The following ATP10A variants were observed in gnomAD, a reference collection of about 807,000 sequenced individuals.
ATP10A encodes phospholipid-transporting ATPase VA.
In ATP10A, 111 loss-of-function variants were observed where a neutral mutation model predicts 147.8. The observed-to-expected ratio is 0.75, with a 90% CI of 0.64 to 0.88. The LOEUF is 0.88. Ranked by LOEUF, ATP10A falls within the 40% of genes least tolerant of loss-of-function variation. The pLI is 0.00. For missense variants in ATP10A, 1,927 were observed against 1,959.0 expected, an observed-to-expected ratio of 0.98 and a Z score of 0.31; for synonymous variants, 875 against 841.6, an observed-to-expected ratio of 1.04 and a Z score of -0.69.
chr15:25,731,937 C>G, intron 3 of ATP10A, among the ~76,000 whole-genome samples: 1 of 151,878 alleles, frequency 6.6e-6, no homozygotes, highest in African/African-American at 2.4e-5. Context: ...CTCACTGCAG[C>G]CTGGACCTCC....
intron 3 of ATP10A, among the ~76,000 whole-genome samples, chr15:25,730,787 T>C (rs1431883689): frequency 6.6e-6 from 1 of 152,156 alleles, no homozygotes. Context: ...TAAAAATAAA[T>C]AAATATTTCT....
chr15:25,843,724 C>T (rs758483365), intron 1 of ATP10A, among the ~76,000 whole-genome samples: 14 of 152,158 alleles, frequency 9.2e-5, no homozygotes, highest in Non-Finnish European at 1.5e-4. Flanking sequence ...GAAAGACAGA[C>T]GCACGGCTGC....
At chr15:25,771,440 G>C (rs188005856) in intron 2 of ATP10A, among the ~76,000 whole-genome samples, 2 of 152,088 alleles carry the variant, frequency 1.3e-5, no homozygotes, top group African/African-American at 4.8e-5. Context: ...TTAGGTCTGC[G>C]ATCTAAGTCT....
chr15:25,773,713 G>A (rs552893430), intron 2 of ATP10A, among the ~76,000 whole-genome samples: 17 of 152,186 alleles, frequency 1.1e-4, no homozygotes, highest in African/African-American at 4.1e-4. Flanking sequence ...ACTTCATTTT[G>A]CTTTCTTCTT....
At chr15:25,847,127 T>TA (rs1374031318) in intron 1 of ATP10A, among the ~76,000 whole-genome samples, 2 of 152,250 alleles carry the variant, frequency 1.3e-5, no homozygotes, top group East Asian at 3.8e-4. Flanking sequence ...TATCTGGTGT[T>TA]AGACACTTTC....
intron 2 of ATP10A, among the ~76,000 whole-genome samples, chr15:25,747,143 C>T (rs1887885761): frequency 6.6e-6 from 1 of 151,992 alleles, no homozygotes; most frequent in South Asian, 2.1e-4. Context: ...AAAACATTAG[C>T]TGGGCATGGT....
intron 2 of ATP10A, among the ~76,000 whole-genome samples, chr15:25,752,825 T>A (rs762315289): frequency 3.3e-5 from 5 of 152,170 alleles, no homozygotes; most frequent in Non-Finnish European, 5.9e-5. Flanking sequence ...TTAAGTCCTT[T>A]AAAATTTTTT....
intron 1 of ATP10A, among the ~76,000 whole-genome samples, chr15:25,846,038 T>C (rs1387446759): frequency 1.3e-5 from 2 of 151,888 alleles, no homozygotes; most frequent in South Asian, 2.1e-4. Flanking sequence ...CGATGCTGAG[T>C]GAAATAAGCC....
chr15:25,808,659 C>T (rs1891300624), intron 1 of ATP10A, among the ~76,000 whole-genome samples: 1 of 152,214 alleles, frequency 6.6e-6, no homozygotes, highest in South Asian at 2.1e-4. Flanking sequence ...TCTGGGATTA[C>T]AAGCGTGAGC....
At chr15:25,729,607 C>T (rs764381483) in intron 3 of ATP10A, among the ~76,000 whole-genome samples, 2 of 152,136 alleles carry the variant, frequency 1.3e-5, no homozygotes, top group Non-Finnish European at 2.9e-5. Flanking sequence ...GGGAACCAGC[C>T]GACCCTGCAG....
intron 2 of ATP10A, among the ~76,000 whole-genome samples, chr15:25,765,715 G>A (rs569343096): frequency 3.3e-5 from 5 of 152,294 alleles, no homozygotes; most frequent in African/African-American, 1.2e-4. Flanking sequence ...CCAGCTCTGT[G>A]GATTAGACAG....
At chr15:25,812,971 C>T (rs1891495579) in intron 1 of ATP10A, among the ~76,000 whole-genome samples, 1 of 152,190 alleles carries the variant, frequency 6.6e-6, no homozygotes. Context: ...ACAAGGTGAG[C>T]TCTCTGTCCC....
intron 1 of ATP10A, among the ~76,000 whole-genome samples, chr15:25,852,504 C>G (rs1567433300): frequency 6.6e-6 from 1 of 152,086 alleles, no homozygotes; most frequent in Non-Finnish European, 1.5e-5. Context: ...TCTCTAACCG[C>G]CCCCCAACCT....
At position 25,845,049 on chromosome 15, in the gene ATP10A, T is replaced by TC. The variant is rs537970045; in HGVS notation, c.449+17598dup. Among the ~76,000 whole-genome samples the TC allele has an allele frequency of 4.6e-5, 7 of 151,662 alleles. No homozygotes were observed. In the East Asian group the frequency reaches 1.4e-3, roughly 30 times the overall value. On this transcript the variant is annotated intron_variant, in intron 1 of 20. Coordinates refer to ENST00000555815, the MANE Select transcript of ATP10A (RefSeq NM_024490.4). ...CCCGGAGAAAGTGGTTCTCCACAAA[T>TC]CCCCCCCAAACACCAGGAGAAAGTG...
At chr15:25,794,188 T>G (rs938815236) in intron 1 of ATP10A, among the ~76,000 whole-genome samples, 1 of 152,212 alleles carries the variant, frequency 6.6e-6, no homozygotes, top group East Asian at 1.9e-4. Flanking sequence ...GGTGGCAGCC[T>G]GGGTCAAAGC....
In ATP10A at chr15:25,835,271, T is replaced by C. The variant is rs567675078; in HGVS notation, c.449+27377A>G. Among the ~76,000 whole-genome samples, 9 of 152,286 alleles carry C rather than the reference T, an allele frequency of 5.9e-5. No homozygotes were observed. In the East Asian group the frequency reaches 1.7e-3, roughly 29 times the overall value. On this transcript the variant is annotated intron_variant, in intron 1 of 20. Transcript: ENST00000555815. ...GAGCAATAGAGTGAGACCTTATCTCTTAAAAATTAATCAGTTAATTTAAAA... is the reference window on the plus strand; with the variant it reads ...GAGCAATAGAGTGAGACCTTATCTCCTAAAAATTAATCAGTTAATTTAAAA...
intron 1 of ATP10A, among the ~76,000 whole-genome samples, chr15:25,786,881 C>T (rs371933479): frequency 1.5e-3 from 223 of 151,416 alleles, no homozygotes; most frequent in African/African-American, 5.1e-3. Flanking sequence ...ATGATCTGCC[C>T]GTCTCGGCCT....
intron 1 of ATP10A, among the ~76,000 whole-genome samples, chr15:25,812,346 C>G (rs1359420573): frequency 6.6e-6 from 1 of 152,166 alleles, no homozygotes; most frequent in South Asian, 2.1e-4. Context: ...GTACAAAGCT[C>G]TATTTGTTTC....
intron 1 of ATP10A, among the ~76,000 whole-genome samples, chr15:25,809,884 G>A (rs1891352434): frequency 6.6e-6 from 1 of 152,104 alleles, no homozygotes; most frequent in African/African-American, 2.4e-5. Context: ...TGCTGCCTGG[G>A]TCACCCATGA....
Sources: gnomAD v4.1 joint callset for allele counts (sites outside exome capture counted in the v4.1 genomes callset) on GRCh38, gnomAD v4.1.1 for gene constraint, MANE v1.5 for transcripts, NCBI Gene and HGNC (gene_info 2026-07-23, HGNC 2026-07-21) for gene names.